The following GEN1 variants were observed in gnomAD, a reference collection of about 807,000 sequenced individuals.
The protein encoded by GEN1 is GEN1 structure-specific endonuclease.
In GEN1, 64 loss-of-function variants were observed where a neutral mutation model predicts 67.6. The ratio of observed to expected loss-of-function variants is 0.95; its 90% confidence interval spans 0.77 to 1.17. GEN1 has a LOEUF of 1.17. Among genes scored for constraint, GEN1 ranks in the 50% most tolerant of loss-of-function variants. The pLI, the probability that GEN1 is intolerant of heterozygous loss-of-function variation, is 0.00. For synonymous variants in GEN1, 371 were observed against 359.4 expected (o/e 1.03, Z -0.37); for missense variants, 1,058 against 1,048.3 (o/e 1.01, Z -0.13).
chr2:17,781,445 CAAG>C lies in GEN1; in HGVS notation c.2238_2240del (p.Glu746del), dbSNP rs1313110872. ...AATTCTAAAAGGAGACCAGCTGCTTCAAGAAGACTATAAAGTCAATACTTCTGT... is the reference window on the plus strand; with the variant it reads ...AATTCTAAAAGGAGACCAGCTGCTTCAAGACTATAAAGTCAATACTTCTGT... On this transcript the variant is annotated inframe_deletion, in exon 14 of 14. Transcript: ENST00000381254. 1 of 1,613,556 alleles carries C rather than the reference CAAG, an allele frequency of 6.2e-7. No homozygotes were observed. The highest frequency in any genetic ancestry group is 2.2e-5 in the East Asian group (1 of 44,862).
At chr2:17,771,444 A>AT (rs1672186457) in intron 7 of GEN1, among the ~76,000 whole-genome samples, 157 bp downstream of exon 7, 1 of 152,190 alleles carries the variant, frequency 6.6e-6, no homozygotes, top group African/African-American at 2.4e-5. Flanking sequence ...GTTTTGTTAT[A>AT]TACACATAGT....
Position 17,778,016 on chromosome 2 carries a change from G to A in GEN1, c.1217G>A (p.Arg406Gln), listed in dbSNP as rs1183092755. 4 of 1,591,204 alleles carry A rather than the reference G, an allele frequency of 2.5e-6. No individual in the cohort carries two copies. The highest frequency in any genetic ancestry group is 4.5e-5 in the East Asian group (2 of 44,396). The change falls in exon 12 of 14, where the codon CGA (arginine) becomes CAA (glutamine). Residue 406 changes from arginine (R) to glutamine (Q), a missense_variant. Physicochemically the swap from Arg to Gln is conservative, Grantham distance 43. Transcript: ENST00000381254. Reference protein sequence around the residue: ...QLQPIRIVKTRIRNGVHCFEI... With the variant: ...QLQPIRIVKTQIRNGVHCFEI... ...TTGTTTTTCAGAATTGTTAAGACTCGAATCAGAAATGGAGTTCATTGTTTT... is the reference window on the plus strand; with the variant it reads ...TTGTTTTTCAGAATTGTTAAGACTCAAATCAGAAATGGAGTTCATTGTTTT...
Position 17,774,327 on chromosome 2 carries a change from G to A in GEN1, c.1128G>A (p.Leu376=). Reference sequence around the variant, plus strand: ...ATCACTATGCATGTGAGAAATTGCTGGTACTTTTGACCCATTATGACATGA... The same window carrying A: ...ATCACTATGCATGTGAGAAATTGCTAGTACTTTTGACCCATTATGACATGA... ...WPNHYACEKL[L]VLLTHYDMIE... is the part of the protein sequence containing the mutation. The change falls in exon 11 of 14, where the codon CTG becomes CTA. Residue 376 remains leucine (L), a synonymous_variant. Transcript: ENST00000381254. 6.2e-7 allele frequency: 1 copy of A among 1,601,954 alleles called. No individual in the cohort carries two copies. The highest frequency in any genetic ancestry group is 8.5e-7 in the Non-Finnish European group (1 of 1,170,934).
In GEN1 at chr2:17,783,923, G is replaced by T. The variant is rs569136287; in HGVS notation, c.*1984G>T. 5 of 152,308 alleles carry T rather than the reference G, an allele frequency of 3.3e-5. No homozygotes were observed. The East Asian group carries it at 7.7e-4, about 23-fold the overall frequency. The allele number at this position is 152,308 out of a possible 1,614,324, so 9.4% of individuals were successfully genotyped here. A position where few individuals can be genotyped will look rare whatever the true frequency, so the allele number is the denominator to read the frequency against. ...GAAGAAAACATAGACGTAAATCTTT[G>T]TGACTTTGGATTAGGCAAGGATTTC... On this transcript the variant is annotated 3_prime_UTR_variant, in exon 14 of 14. Coordinates refer to ENST00000381254, the MANE Select transcript of GEN1 (RefSeq NM_001130009.3).
At chr2:17,767,362 A>G (rs1032262385) in intron 5 of GEN1, among the ~76,000 whole-genome samples, 1 of 152,196 alleles carries the variant, frequency 6.6e-6, no homozygotes, top group African/African-American at 2.4e-5. Flanking sequence ...TTATTTCTGT[A>G]TCCTTACAAT....
chr2:17,787,550 T>C lies in GEN1; in HGVS notation c.*5611T>C, dbSNP rs144793536. 2 of 152,250 alleles carry C rather than the reference T, an allele frequency of 1.3e-5. No individual in the cohort carries two copies. The highest frequency in any genetic ancestry group is 6.5e-5 in the Admixed American group (1 of 15,282). 9.4% of individuals were successfully genotyped at this position (152,250 alleles called of 1,614,324 possible). A position where few individuals can be genotyped will look rare whatever the true frequency, so the allele number is the denominator to read the frequency against. On this transcript the variant is annotated 3_prime_UTR_variant, in exon 14 of 14. Transcript: ENST00000381254. ...TTTGTGTTGGGTTACATTTTTTGTT[T>C]CCCACACCAGACTATGAACATCCTC...
chr2:17,767,466 G>A (rs1342273203), intron 5 of GEN1, among the ~76,000 whole-genome samples: 1 of 152,028 alleles, frequency 6.6e-6, no homozygotes, highest in Non-Finnish European at 1.5e-5. Context: ...AAATATAGCA[G>A]GGTAATAAAA....
At chr2:17,774,008 A>G (rs556089516) in intron 10 of GEN1, among the ~76,000 whole-genome samples, 10 of 152,240 alleles carry the variant, frequency 6.6e-5, no homozygotes, top group African/African-American at 2.2e-4. Context: ...CACATTACAG[A>G]TGGTAAAACT....
At position 17,788,153 on chromosome 2, in the gene GEN1, T is replaced by A. The variant is rs1673115640; in HGVS notation, c.*6214T>A. ...CTGTTCCTGTTCTGCTGGTAGCACT[T>A]AGGGTAAAACAGCTTAAATAGTATT... is the stretch of plus-strand genomic sequence containing the variant. On this transcript the variant is annotated 3_prime_UTR_variant, in exon 14 of 14. Transcript: ENST00000381254. The A allele has an allele frequency of 6.6e-6, 1 of 152,218 alleles. No individual in the cohort carries two copies. Among genetic ancestry groups the A allele is most frequent in the African/African-American group, 2.4e-5 (1 of 41,460 alleles). 9.4% of individuals were successfully genotyped at this position (152,218 alleles called of 1,614,324 possible).
In GEN1 at chr2:17,760,076, A is replaced by T; in HGVS notation, c.133A>T (p.Met45Leu). ...VCEAQTVKKM[M>L]GSVMKPHLRN... Reference sequence around the variant, plus strand: ...TGAGGCACAGACAGTCAAAAAAATGATGGGCAGCGTCATGAAGCCCCACCT... The same window carrying T: ...TGAGGCACAGACAGTCAAAAAAATGTTGGGCAGCGTCATGAAGCCCCACCT... The change falls in exon 2 of 14, where the codon ATG (methionine) becomes TTG (leucine). Residue 45 changes from methionine (M) to leucine (L), a missense_variant. Physicochemically the swap from Met to Leu is conservative, Grantham distance 15 (BLOSUM62 2). Coordinates refer to ENST00000381254, the MANE Select transcript of GEN1 (RefSeq NM_001130009.3). The T allele has an allele frequency of 6.2e-7, 1 of 1,613,998 alleles. No individual in the cohort carries two copies. The highest frequency in any genetic ancestry group is 8.5e-7 in the Non-Finnish European group (1 of 1,179,942).
At chr2:17,779,590 T>C (rs1460044451) in intron 12 of GEN1, among the ~76,000 whole-genome samples, 3 of 152,176 alleles carry the variant, frequency 2.0e-5, no homozygotes, top group African/African-American at 7.2e-5. Context: ...TAAAGCTAGT[T>C]ACCTGGAAAG....
chr2:17,777,534 C>T (rs1319003928), intron 11 of GEN1, among the ~76,000 whole-genome samples: 2 of 151,996 alleles, frequency 1.3e-5, no homozygotes, highest in Non-Finnish European at 2.9e-5. Context: ...TGAATGAATC[C>T]AGCAGCTTTA....
At position 17,786,738 on chromosome 2, in the gene GEN1, G is replaced by A. The variant is rs1463038698; in HGVS notation, c.*4799G>A. 2.0e-5 allele frequency: 3 copies of A among 151,946 alleles called. No individual in the cohort carries two copies. The highest frequency in any genetic ancestry group is 7.3e-5 in the African/African-American group (3 of 41,344). 9.4% of individuals were successfully genotyped at this position (151,946 alleles called of 1,614,324 possible). A position where few individuals can be genotyped will look rare whatever the true frequency, so the allele number is the denominator to read the frequency against. On this transcript the variant is annotated 3_prime_UTR_variant, in exon 14 of 14. Transcript: ENST00000381254. Reference sequence around the variant, plus strand: ...TATCTCCTGACATTATAAATGTTGAGTTCAGGGTTTTTTTTTTCATTGTTT... The same window carrying A: ...TATCTCCTGACATTATAAATGTTGAATTCAGGGTTTTTTTTTTCATTGTTT...
intron 11 of GEN1, among the ~76,000 whole-genome samples, chr2:17,777,323 C>CATG (rs551982918): frequency 7.2e-5 from 11 of 151,788 alleles, no homozygotes; most frequent in Admixed American, 2.6e-4. Flanking sequence ...ATGATTAATA[C>CATG]ATGATGATGA....
Position 17,765,040 on chromosome 2 carries a change from G to C in GEN1, c.492G>C (p.Gln164His), listed in dbSNP as rs1367498429. 2 of 1,613,988 alleles carry C rather than the reference G, an allele frequency of 1.2e-6. No homozygotes were observed. Among genetic ancestry groups the C allele is most frequent in the African/African-American group, 2.7e-5 (2 of 74,924 alleles). Residue 164 changes from glutamine (Q) to histidine (H), a missense_variant, in exon 4 of 14, where the codon CAG (glutamine) becomes CAC (histidine). Gln to His is a conservative substitution (Grantham distance 24, BLOSUM62 0). Transcript: ENST00000381254. Reference sequence around the variant, plus strand: ...GAGATACTTTCCTTTATGGGGCCCAGACTGTTTACAGGAATTTCACTATGA... The same window carrying C: ...GAGATACTTTCCTTTATGGGGCCCACACTGTTTACAGGAATTTCACTATGA... ...NDGDTFLYGAQTVYRNFTMNT... is the reference protein window; with the variant it reads ...NDGDTFLYGAHTVYRNFTMNT...
At chr2:17,766,860 C>G (rs1360559373) in intron 5 of GEN1, among the ~76,000 whole-genome samples, 171 bp downstream of exon 5, 1 of 152,110 alleles carries the variant, frequency 6.6e-6, no homozygotes, top group Non-Finnish European at 1.5e-5. Flanking sequence ...TCAGATGGCA[C>G]TAAAAAGCTG....
intron 12 of GEN1, among the ~76,000 whole-genome samples, chr2:17,779,729 G>A (rs1672735477): frequency 6.6e-6 from 1 of 152,102 alleles, no homozygotes; most frequent in South Asian, 2.1e-4. Flanking sequence ...AGCCTCCTGA[G>A]TAGCTGGGAT....
In GEN1 at chr2:17,778,283, C is replaced by T. The variant is rs534248860; in HGVS notation, c.1264+220C>T. On this transcript the variant is annotated intron_variant, in intron 12 of 13. Coordinates refer to ENST00000381254, the MANE Select transcript of GEN1 (RefSeq NM_001130009.3). ...ATATGTGTGTACATATATGTATATACACACACATGTGTGTGTACATATATG... is the reference window on the plus strand; with the variant it reads ...ATATGTGTGTACATATATGTATATATACACACATGTGTGTGTACATATATG... 1.9e-4 allele frequency among the ~76,000 whole-genome samples: 22 copies of T among 114,418 alleles called. 3 individuals carry two copies. The highest frequency in any genetic ancestry group is 9.5e-4 in the African/African-American group (21 of 22,032). 75.1% of individuals were successfully genotyped at this position (114,418 alleles called of 152,430 possible).
chr2:17,761,571 G>A lies in GEN1; in HGVS notation c.337G>A (p.Val113Ile), dbSNP rs1336585901. 6.2e-7 allele frequency: 1 copy of A among 1,601,594 alleles called. No homozygotes were observed. Among genetic ancestry groups the A allele is most frequent in the Non-Finnish European group, 8.5e-7 (1 of 1,175,968 alleles). The change falls in exon 3 of 14, where the codon GTC (valine) becomes ATC (isoleucine). Residue 113 changes from valine to isoleucine, a missense_variant. Val to Ile is a conservative substitution (Grantham distance 29, BLOSUM62 3). Coordinates refer to ENST00000381254, the MANE Select transcript of GEN1 (RefSeq NM_001130009.3). Reference protein sequence around the residue: ...QKTGRSHFKSVLRECLHMLEC... With the variant: ...QKTGRSHFKSILRECLHMLEC... ...AACAGGGAGATCACATTTTAAATCA[G>A]TCTTAAGAGAGGTGAGCATTCAGAT...
Sources: allele counts gnomAD v4.1 joint callset (sites outside exome capture counted in the v4.1 genomes callset), GRCh38; gene constraint gnomAD v4.1.1; transcripts MANE v1.5; gene names NCBI Gene and HGNC (gene_info 2026-07-23, HGNC 2026-07-21).